Variants in SYT1 observed in about 807,000 individuals in gnomAD.
The protein encoded by SYT1 is synaptotagmin 1.
In SYT1, 8 loss-of-function variants were observed where a neutral mutation model predicts 44.8. The observed-to-expected ratio is 0.18, with a 90% CI of 0.10 to 0.32. The LOEUF is 0.32. SYT1 is among the 10% of genes least tolerant of loss of function. The pLI is 1.00. For synonymous variants in SYT1, 154 were observed against 188.8 expected, an observed-to-expected ratio of 0.82 and a Z score of 1.51; for missense variants, 286 against 509.3, an observed-to-expected ratio of 0.56 and a Z score of 4.22.
intron 8 of SYT1, among the ~76,000 whole-genome samples, chr12:79,348,816 A>T (rs1882717795): frequency 6.6e-6 from 1 of 151,588 alleles, no homozygotes. Context: ...TGATAGTGAC[A>T]AGTATCATAT....
intron 9 of SYT1, among the ~76,000 whole-genome samples, chr12:79,372,459 T>C (rs573468862): frequency 6.6e-6 from 1 of 152,312 alleles, no homozygotes; most frequent in Admixed American, 6.5e-5. Flanking sequence ...GTTGTGTGAT[T>C]CCTATGATGG....
chr12:79,396,174 A>C (rs1313126739), intron 9 of SYT1, among the ~76,000 whole-genome samples: 1 of 152,196 alleles, frequency 6.6e-6, no homozygotes, highest in Non-Finnish European at 1.5e-5. Context: ...ATGGAGTTCC[A>C]GGTGAGAACA....
intron 4 of SYT1, among the ~76,000 whole-genome samples, chr12:79,219,486 T>C (rs1299284098): frequency 1.3e-5 from 2 of 152,134 alleles, no homozygotes; most frequent in South Asian, 2.1e-4. Context: ...TTGAATCTTA[T>C]ATTTAAATCT....
chr12:79,445,127 C>T (rs1425075987), intron 10 of SYT1, among the ~76,000 whole-genome samples: 4 of 152,006 alleles, frequency 2.6e-5, no homozygotes, highest in Non-Finnish European at 4.4e-5. Context: ...AACAAAGAAC[C>T]TTCTAAAGGT....
intron 9 of SYT1, among the ~76,000 whole-genome samples, chr12:79,384,801 C>T (rs1457077024): frequency 6.6e-6 from 1 of 152,038 alleles, no homozygotes; most frequent in Non-Finnish European, 1.5e-5. Context: ...AACGTCATCA[C>T]TTATTATATG....
chr12:78,898,335 G>A (rs183541987), intron 1 of SYT1, among the ~76,000 whole-genome samples: 10 of 152,108 alleles, frequency 6.6e-5, no homozygotes, highest in African/African-American at 2.4e-4. Flanking sequence ...CCTATACCAT[G>A]CCAAAACTAT....
In SYT1 at chr12:78,899,968, A is replaced by C. The variant is rs552441412; in HGVS notation, c.-217+34859A>C. On this transcript the variant is annotated intron_variant, in intron 1 of 10. Transcript: ENST00000261205. The stretch of plus-strand genomic sequence containing the variant: ...GTTACTTTTAGAAATATAAATTAGA[A>C]AGTCATATGAATAGATAGACTCCTT... 3.0e-4 allele frequency among the ~76,000 whole-genome samples: 45 copies of C among 152,198 alleles called. No individual in the cohort carries two copies. The South Asian group carries it at 3.3e-3, about 11-fold the overall frequency.
At chr12:79,283,948 A>G (rs1879176795) in intron 4 of SYT1, among the ~76,000 whole-genome samples, 1 of 151,924 alleles carries the variant, frequency 6.6e-6, no homozygotes, top group Admixed American at 6.6e-5. Context: ...ATGCAGAGGA[A>G]AAGCAAAGAG....
chr12:78,890,614 C>T (rs1478182651), intron 1 of SYT1, among the ~76,000 whole-genome samples: 1 of 151,854 alleles, frequency 6.6e-6, no homozygotes, highest in East Asian at 1.9e-4. Flanking sequence ...CTTTTATCAT[C>T]TTCCTCCTCG....
chr12:79,410,735 T>C (rs1311420861), intron 9 of SYT1, among the ~76,000 whole-genome samples: 1 of 152,120 alleles, frequency 6.6e-6, no homozygotes, highest in Non-Finnish European at 1.5e-5. Context: ...TACTTTTCTA[T>C]AATTAAGCAT....
chr12:79,000,067 G>C (rs2137525410), intron 2 of SYT1, among the ~76,000 whole-genome samples: 1 of 152,246 alleles, frequency 6.6e-6, no homozygotes, highest in East Asian at 1.9e-4. Context: ...GGGCGTGTTA[G>C]AATATAGGAC....
intron 8 of SYT1, among the ~76,000 whole-genome samples, chr12:79,308,532 T>TAAGG (rs1880539977): frequency 1.7e-5 from 1 of 59,432 alleles, no homozygotes; most frequent in Non-Finnish European, 4.2e-5. Context: ...AAAGAAGAAA[T>TAAGG]AAAGAAAGAA....
intron 9 of SYT1, among the ~76,000 whole-genome samples, chr12:79,377,105 T>TTTTGTTTTGTTTTG (rs150386499): frequency 0.49 from 74,253 of 151,908 alleles, 22,265 homozygotes; most frequent in African/African-American, 0.84. Context: ...ACATTTTTTG[T>TTTTGTTTTGTTTTG]TTTTTTGTTT....
At chr12:79,324,962 G>A (rs1432292480) in intron 8 of SYT1, among the ~76,000 whole-genome samples, 1 of 152,118 alleles carries the variant, frequency 6.6e-6, no homozygotes, top group Non-Finnish European at 1.5e-5. Context: ...GATTTTTAAA[G>A]CTTGACTTTT....
chr12:79,114,197 A>AGGAAGAG (rs1159630094), intron 3 of SYT1, among the ~76,000 whole-genome samples: 2 of 152,182 alleles, frequency 1.3e-5, no homozygotes, highest in African/African-American at 4.8e-5. Flanking sequence ...GTAAGAGGGA[A>AGGAAGAG]GGAAGAGTTT....
chr12:79,044,893 G>T (rs957664065), intron 2 of SYT1, among the ~76,000 whole-genome samples: 1 of 152,208 alleles, frequency 6.6e-6, no homozygotes, highest in African/African-American at 2.4e-5. Context: ...TGCCGTGTGA[G>T]GTGTCAGTGT....
chr12:78,930,664 T>A (rs923616881), intron 1 of SYT1, among the ~76,000 whole-genome samples: 1 of 150,110 alleles, frequency 6.7e-6, no homozygotes, highest in South Asian at 2.1e-4. Flanking sequence ...ACCTCCTCCA[T>A]TGGGAGGTTG....
intron 4 of SYT1, among the ~76,000 whole-genome samples, chr12:79,268,257 T>TA (rs1330238290): frequency 2.6e-5 from 4 of 152,200 alleles, no homozygotes; most frequent in Non-Finnish European, 5.9e-5. Flanking sequence ...GAGGCAGATT[T>TA]ACGATTCTAT....
Position 78,919,505 on chromosome 12 carries a change from C to T in SYT1, c.-217+54396C>T, listed in dbSNP as rs151187748. 5.1e-3 allele frequency among the ~76,000 whole-genome samples: 770 copies of T among 152,152 alleles called. 2 individuals carry two copies. Among genetic ancestry groups the T allele is most frequent in the Admixed American group, 6.4e-3 (98 of 15,248 alleles). On this transcript the variant is annotated intron_variant, in intron 1 of 10. Transcript: ENST00000261205. ...TCCTGCCATGAATAATCGTTAGTTC[C>T]CCTTACATTTTTGCTTTGCTTTGCC...
Sources: allele counts gnomAD v4.1 joint callset (sites outside exome capture counted in the v4.1 genomes callset), GRCh38; gene constraint gnomAD v4.1.1; transcripts MANE v1.5; gene names NCBI Gene and HGNC (gene_info 2026-07-23, HGNC 2026-07-21).